The following FARS2 variants were observed in gnomAD, a reference collection of about 807,000 sequenced individuals.
FARS2 encodes phenylalanyl-tRNA synthetase 2, mitochondrial, also known as phenylalanine--tRNA ligase, mitochondrial.
Under a neutral mutation model 46.4 loss-of-function variants are expected in FARS2, and 40 were observed. The observed-to-expected ratio is 0.86, with a 90% confidence interval of 0.67 to 1.12. FARS2 has a LOEUF of 1.12. Ranked by LOEUF, FARS2 falls within the 50% of genes most tolerant of loss-of-function variation. FARS2 has a pLI of 0.00. For missense variants in FARS2, 513 were observed against 567.9 expected (o/e 0.90, Z 0.98); for synonymous variants, 234 against 214.9 (o/e 1.09, Z -0.78).
chr6:5,486,232 A>T (rs188598100), intron 4 of FARS2, among the ~76,000 whole-genome samples: 1 of 152,104 alleles, frequency 6.6e-6, no homozygotes, highest in Non-Finnish European at 1.5e-5. Flanking sequence ...TATATTATAT[A>T]TTTTTATATT....
intron 6 of FARS2, among the ~76,000 whole-genome samples, chr6:5,671,677 G>A (rs1561790702): frequency 6.6e-6 from 1 of 152,190 alleles, no homozygotes; most frequent in Non-Finnish European, 1.5e-5. Context: ...CCAAGCACAT[G>A]TTTACAGAGG....
At chr6:5,575,369 T>C (rs986149415) in intron 5 of FARS2, among the ~76,000 whole-genome samples, 1 of 152,156 alleles carries the variant, frequency 6.6e-6, no homozygotes, top group Non-Finnish European at 1.5e-5. Flanking sequence ...CACAAGTAGA[T>C]GAATTAGTGC....
intron 4 of FARS2, among the ~76,000 whole-genome samples, chr6:5,467,528 G>A (rs2432800): frequency 0.23 from 34,555 of 152,114 alleles, 4,126 homozygotes; most frequent in South Asian, 0.3. Flanking sequence ...CTTAGTCAAC[G>A]TTGCTATATC....
rs772822506 is a variant in FARS2, at chr6:5,545,230, C to T, written c.955C>T (p.Leu319=). The change falls in exon 5 of 7, where the codon CTA becomes TTA. Residue 319 remains leucine (L), a synonymous_variant. Coordinates refer to ENST00000274680, the MANE Select transcript of FARS2 (RefSeq NM_006567.5). The part of the protein sequence containing the change: ...GWAFGLGLER[L]AMILYDIPDI... ...GGCTTTTGGCCTAGGATTAGAAAGG[C>T]TAGCCATGATCCTCTACGACATCCC... 41 of 1,614,008 alleles carry T rather than the reference C, an allele frequency of 2.5e-5. No homozygotes were observed. Among genetic ancestry groups the T allele is most frequent in the Middle Eastern group, 1.6e-4 (1 of 6,062 alleles).
intron 4 of FARS2, among the ~76,000 whole-genome samples, chr6:5,538,433 C>G (rs1196579681): frequency 6.6e-6 from 1 of 152,116 alleles, no homozygotes; most frequent in Non-Finnish European, 1.5e-5. Flanking sequence ...GAAATGTACC[C>G]TGAACAGTTG....
At chr6:5,613,988 G>T (rs926793399) in intron 6 of FARS2, among the ~76,000 whole-genome samples, 10 of 152,020 alleles carry the variant, frequency 6.6e-5, no homozygotes, top group Non-Finnish European at 1.3e-4. Context: ...TGGGAGTCCT[G>T]GGGGGAAAAG....
intron 4 of FARS2, among the ~76,000 whole-genome samples, chr6:5,449,242 G>A (rs528574919): frequency 1.8e-4 from 28 of 151,540 alleles, no homozygotes; most frequent in South Asian, 6.3e-4. Context: ...CCAGCTACTC[G>A]GGAGGCTGAG....
intron 2 of FARS2, among the ~76,000 whole-genome samples, chr6:5,390,588 G>A (rs903571213): frequency 6.6e-6 from 1 of 152,088 alleles, no homozygotes; most frequent in African/African-American, 2.4e-5. Flanking sequence ...ACAGCTCCTG[G>A]GTTTGAGCAA....
chr6:5,654,902 A>G (rs912787195), intron 6 of FARS2, among the ~76,000 whole-genome samples: 1 of 152,204 alleles, frequency 6.6e-6, no homozygotes, highest in Non-Finnish European at 1.5e-5. Context: ...GACCTTTATG[A>G]TAATCCATTT....
chr6:5,644,349 A>G (rs770765105), intron 6 of FARS2, among the ~76,000 whole-genome samples: 7 of 152,122 alleles, frequency 4.6e-5, no homozygotes, highest in Non-Finnish European at 1.0e-4. Context: ...AGTAGCTGAG[A>G]CTACAGGTGC....
chr6:5,578,507 A>G (rs544441701), intron 5 of FARS2, among the ~76,000 whole-genome samples: 2 of 152,242 alleles, frequency 1.3e-5, no homozygotes, highest in Non-Finnish European at 2.9e-5. Flanking sequence ...TAAAAAGATA[A>G]TAAGAAAAAA....
chr6:5,684,312 G>A (rs370404201), intron 6 of FARS2, among the ~76,000 whole-genome samples: 8 of 152,128 alleles, frequency 5.3e-5, no homozygotes, highest in East Asian at 1.9e-4. Context: ...TGGTTCTGCC[G>A]CACGCCCATC....
In FARS2 at chr6:5,637,391, G is replaced by A. The variant is rs928841031; in HGVS notation, c.1217+24071G>A. Among the ~76,000 whole-genome samples, 11 of 152,280 alleles carry A rather than the reference G, an allele frequency of 7.2e-5. No homozygotes were observed. The South Asian group carries it at 1.2e-3, about 17-fold the overall frequency. ...CTTTTGCACGCCTGGGCATCACTAC[G>A]CCTTCACCACACCCATGACCCGTGC... On this transcript the variant is annotated intron_variant, in intron 6 of 6. Transcript: ENST00000274680.
At chr6:5,521,771 C>G (rs1287908277) in intron 4 of FARS2, among the ~76,000 whole-genome samples, 2 of 152,146 alleles carry the variant, frequency 1.3e-5, no homozygotes, top group Non-Finnish European at 2.9e-5. Flanking sequence ...CTCAGACATT[C>G]AAGGATTTTC....
intron 2 of FARS2, among the ~76,000 whole-genome samples, chr6:5,404,173 G>A (rs77399492): frequency 2.6e-5 from 4 of 152,234 alleles, no homozygotes; most frequent in Admixed American, 6.5e-5. Flanking sequence ...TTAATTCCTC[G>A]ACACTGTGGG....
At chr6:5,296,129 CTTTTTTTTTTTTTTTT>C (rs70974187) in intron 1 of FARS2, among the ~76,000 whole-genome samples, 14 of 55,046 alleles carry the variant, frequency 2.5e-4, no homozygotes, top group Admixed American at 5.8e-4. Context: ...TCATTTTGGC[CTTTTTTTTTTTTTTTT>C]TTTTTTTTTT....
At chr6:5,444,524 T>A (rs552162096) in intron 4 of FARS2, among the ~76,000 whole-genome samples, 1 of 143,588 alleles carries the variant, frequency 7.0e-6, no homozygotes, top group South Asian at 2.3e-4. Flanking sequence ...GGAAAAAATC[T>A]TAGTGCCAGG....
intron 1 of FARS2, among the ~76,000 whole-genome samples, chr6:5,296,469 C>G (rs564161186): frequency 2.6e-5 from 4 of 152,006 alleles, no homozygotes; most frequent in African/African-American, 9.7e-5. Context: ...GCATACAGTT[C>G]GCTAGCATTA....
chr6:5,400,527 T>C (rs1761193175), intron 2 of FARS2, among the ~76,000 whole-genome samples: 1 of 152,046 alleles, frequency 6.6e-6, no homozygotes, highest in South Asian at 2.1e-4. Context: ...TACTTATTTC[T>C]TTGTGACTTA....
Sources: allele counts gnomAD v4.1 joint callset (sites outside exome capture counted in the v4.1 genomes callset), GRCh38; gene constraint gnomAD v4.1.1; transcripts MANE v1.5; gene names NCBI Gene and HGNC (gene_info 2026-07-23, HGNC 2026-07-21).